Variants in DCDC2C observed in about 807,000 individuals in gnomAD.
DCDC2C encodes the protein doublecortin domain containing 2C.
In DCDC2C, 44 loss-of-function variants were observed where a neutral mutation model predicts 45.0. The observed-to-expected ratio is 0.98, with a 90% CI of 0.77 to 1.26. The LOEUF is 1.26. Ranked by LOEUF, DCDC2C falls within the 50% of genes most tolerant of loss-of-function variation. The pLI is 0.00. For synonymous variants in DCDC2C, 187 were observed against 178.8 expected (o/e 1.05, Z -0.37); for missense variants, 447 against 468.9 (o/e 0.95, Z 0.43).
chr2:3,750,614 C>T (rs774814205), intron 4 of DCDC2C, among the ~76,000 whole-genome samples: 29 of 152,072 alleles, frequency 1.9e-4, no homozygotes, highest in African/African-American at 4.8e-4. Flanking sequence ...CCTGTCCTGC[C>T]GGGCGGTATG....
At chr2:3,790,169 G>T (rs1011280863) in intron 10 of DCDC2C, among the ~76,000 whole-genome samples, 1 of 152,128 alleles carries the variant, frequency 6.6e-6, no homozygotes, top group Non-Finnish European at 1.5e-5. Context: ...GAAACTGTGC[G>T]CCTTCTGCCA....
chr2:3,800,841 C>A lies in DCDC2C; in HGVS notation c.1065+15741C>A, dbSNP rs115370236. ...TGGTGGCAGTGAGTACGGCTGGGAG[C>A]AGTGGCTTTGATTAGTCCTCAGGCA... On this transcript the variant is annotated intron_variant, in intron 10 of 10. Transcript: ENST00000399143. Among the ~76,000 whole-genome samples, 561 of 152,138 alleles carry A rather than the reference C, an allele frequency of 3.7e-3. 16 individuals are homozygous for A. Among genetic ancestry groups the A allele is most frequent in the African/African-American group, 0.012 (512 of 41,536 alleles).
chr2:3,742,138 C>A, intron 4 of DCDC2C, 90 bp downstream of exon 4: 1 of 1,370,032 alleles, frequency 7.3e-7, no homozygotes, highest in Non-Finnish European at 9.6e-7. Context: ...CCAGCAAGGT[C>A]TAAAATGATT....
At chr2:3,777,539 T>G (rs1400298097) in intron 8 of DCDC2C, among the ~76,000 whole-genome samples, 1 of 152,248 alleles carries the variant, frequency 6.6e-6, no homozygotes, top group African/African-American at 2.4e-5. Context: ...TGTTTTTGAT[T>G]GACATTATGT....
At chr2:3,817,327 C>T (rs1385130647) in intron 10 of DCDC2C, among the ~76,000 whole-genome samples, 1 of 152,104 alleles carries the variant, frequency 6.6e-6, no homozygotes, top group African/African-American at 2.4e-5. Flanking sequence ...GTGAGGAAAC[C>T]TCTTTTTGCC....
chr2:3,759,928 C>T (rs569492573), intron 6 of DCDC2C, among the ~76,000 whole-genome samples: 2 of 152,324 alleles, frequency 1.3e-5, no homozygotes, highest in South Asian at 2.1e-4. Context: ...CTAACTGCTG[C>T]CGTCAAGGCA....
intron 1 of DCDC2C, among the ~76,000 whole-genome samples, chr2:3,705,031 AG>A (rs1361981525): frequency 7.2e-5 from 11 of 152,138 alleles, no homozygotes; most frequent in Non-Finnish European, 1.5e-4. Flanking sequence ...GACATTCTTC[AG>A]GGCTGAGATA....
chr2:3,703,655 C>A lies in DCDC2C; in HGVS notation c.-97C>A. On this transcript the variant is annotated 5_prime_UTR_variant, in exon 1 of 11. Coordinates refer to ENST00000399143, the MANE Select transcript of DCDC2C (RefSeq NM_001287444.2). The surrounding 1 kb of genome is among the most constrained non-coding windows in gnomAD (Gnocchi z 4.4). ...GCGCCAGCGGCTGGAGCGGACCTCC[C>A]GTCGGCGGTGCCCGGGCCTGGGCGC... The A allele has an allele frequency of 8.7e-7, 1 of 1,145,858 alleles. No individual in the cohort carries two copies. Among genetic ancestry groups the A allele is most frequent in the Non-Finnish European group, 1.1e-6 (1 of 915,996 alleles). The allele number at this position is 1,145,858 out of a possible 1,614,324, so 71.0% of individuals were successfully genotyped here.
intron 2 of DCDC2C, among the ~76,000 whole-genome samples, chr2:3,723,235 C>A (rs1202011059): frequency 6.6e-6 from 1 of 152,148 alleles, no homozygotes; most frequent in Non-Finnish European, 1.5e-5. Flanking sequence ...AACCAGGGTC[C>A]CTGCTCTCAG....
At chr2:3,756,360 T>C (rs568836199) in intron 6 of DCDC2C, among the ~76,000 whole-genome samples, 17 of 152,182 alleles carry the variant, frequency 1.1e-4, no homozygotes, top group Non-Finnish European at 2.4e-4. Context: ...CTGGCTCAAG[T>C]CCCCTCCCTA....
intron 8 of DCDC2C, among the ~76,000 whole-genome samples, chr2:3,773,735 T>C (rs1444429587): frequency 6.6e-6 from 1 of 152,254 alleles, no homozygotes; most frequent in East Asian, 1.9e-4. Context: ...GATTCCTTTC[T>C]TGGGGAAATA....
At position 3,731,994 on chromosome 2, in the gene DCDC2C, G is replaced by A. The variant is rs1342189385; in HGVS notation, c.416+4915G>A. On this transcript the variant is annotated intron_variant, in intron 3 of 10. Transcript: ENST00000399143. Reference sequence around the variant, plus strand: ...TTCAGGACTGAGTACGGTAGGGGGCGGTGAGTGCAAACCCAGGAATTCACC... The same window carrying A: ...TTCAGGACTGAGTACGGTAGGGGGCAGTGAGTGCAAACCCAGGAATTCACC... Among the ~76,000 whole-genome samples the A allele has an allele frequency of 3.3e-5, 5 of 152,028 alleles. No individual in the cohort carries two copies. The East Asian group carries it at 7.7e-4, about 23-fold the overall frequency.
chr2:3,803,442 G>T (rs1468308336), intron 10 of DCDC2C, among the ~76,000 whole-genome samples: 1 of 152,126 alleles, frequency 6.6e-6, no homozygotes, highest in Admixed American at 6.5e-5. Flanking sequence ...TCACTTTGTG[G>T]GTGGGTTTAC....
intron 1 of DCDC2C, among the ~76,000 whole-genome samples, chr2:3,704,766 G>T (rs1668017395): frequency 6.7e-6 from 1 of 149,666 alleles, no homozygotes; most frequent in Non-Finnish European, 1.5e-5. Context: ...AATGGGGCGG[G>T]TTGGGCAGTT....
intron 10 of DCDC2C, among the ~76,000 whole-genome samples, chr2:3,789,583 A>G (rs1046440369): frequency 4.6e-5 from 7 of 152,174 alleles, no homozygotes; most frequent in Non-Finnish European, 5.9e-5. Context: ...TTTTCCAATT[A>G]TCCCCCAAGT....
At chr2:3,804,766 T>C (rs890516505) in intron 10 of DCDC2C, among the ~76,000 whole-genome samples, 2 of 152,196 alleles carry the variant, frequency 1.3e-5, no homozygotes, top group Admixed American at 1.3e-4. Context: ...CGTGCTGCAC[T>C]CGTAACAAAG....
At chr2:3,781,736 G>T (rs899745115) in intron 9 of DCDC2C, among the ~76,000 whole-genome samples, 1 of 152,084 alleles carries the variant, frequency 6.6e-6, no homozygotes, top group Non-Finnish European at 1.5e-5. Flanking sequence ...CAGGTGCAGT[G>T]GTGTGCACCT....
chr2:3,844,655 A>T (rs763500178), intron 10 of DCDC2C: 1 of 152,226 alleles, frequency 6.6e-6, no homozygotes, highest in Non-Finnish European at 1.5e-5. Context: ...ATGCTGGTGG[A>T]ATATTAAAAT....
At chr2:3,725,657 G>A (rs1257264478) in intron 2 of DCDC2C, among the ~76,000 whole-genome samples, 1 of 149,150 alleles carries the variant, frequency 6.7e-6, no homozygotes, top group African/African-American at 2.5e-5. Context: ...GATCCCGGAG[G>A]GAGATGAGCA....
Sources: allele counts gnomAD v4.1 joint callset (sites outside exome capture counted in the v4.1 genomes callset), GRCh38; gene constraint gnomAD v4.1.1; non-coding constraint Gnocchi (gnomAD v3.1); transcripts MANE v1.5; gene names NCBI Gene and HGNC (gene_info 2026-07-23, HGNC 2026-07-21).